Variants in NPY observed in about 807,000 individuals in gnomAD.
The protein encoded by NPY is neuropeptide Y, also known as pro-neuropeptide Y.
A neutral mutation model predicts 13.2 loss-of-function variants in NPY; 11 were observed. The ratio of observed to expected loss-of-function variants is 0.83; its 90% CI spans 0.52 to 1.38. NPY has a LOEUF of 1.38. NPY is among the 40% of genes most tolerant of loss of function. The pLI is 0.00. For synonymous variants in NPY, 51 were observed against 55.6 expected, an observed-to-expected ratio of 0.92 and a Z score of 0.37; for missense variants, 109 against 125.1, an observed-to-expected ratio of 0.87 and a Z score of 0.61.
At chr7:24,288,129 T>G (rs1787458586) in intron 2 of NPY, among the ~76,000 whole-genome samples, 1 of 152,246 alleles carries the variant, frequency 6.6e-6, no homozygotes, top group African/African-American at 2.4e-5. Flanking sequence ...GGTTCTTTAC[T>G]GGTAAATTGG....
chr7:24,291,848 A>G lies in NPY; in HGVS notation c.*161A>G. On this transcript the variant is annotated 3_prime_UTR_variant, in exon 4 of 4. Coordinates refer to ENST00000242152, the MANE Select transcript of NPY (RefSeq NM_000905.4). The stretch of plus-strand genomic sequence containing the variant: ...GTATATATGTGTGTTTAAATAAAGT[A>G]TCATGCATTCAAAAGTGTATCCTCC... 1.4e-6 allele frequency: 1 copy of G among 692,846 alleles called. No homozygotes were observed. The highest frequency in any genetic ancestry group is 2.7e-5 in the East Asian group (1 of 36,498). 42.9% of individuals were successfully genotyped at this position (692,846 alleles called of 1,614,324 possible).
intron 2 of NPY, among the ~76,000 whole-genome samples, chr7:24,287,618 T>TTTTA (rs1388975340): frequency 6.6e-6 from 1 of 152,088 alleles, no homozygotes; most frequent in Admixed American, 6.5e-5. Context: ...CTGGGGGTGA[T>TTTTA]TTTATGCTCC....
At chr7:24,288,415 G>A (rs1787470634) in intron 2 of NPY, among the ~76,000 whole-genome samples, 1 of 151,888 alleles carries the variant, frequency 6.6e-6, no homozygotes, top group African/African-American at 2.4e-5. Flanking sequence ...ATATAATTTT[G>A]CTTGGCAATT....
chr7:24,285,218 C>A lies in NPY; in HGVS notation c.1-23C>A, dbSNP rs758262699. 1.2e-6 allele frequency: 2 copies of A among 1,613,436 alleles called. No individual in the cohort carries two copies. The highest frequency in any genetic ancestry group is 2.7e-5 in the African/African-American group (2 of 75,022). On this transcript the variant is annotated intron_variant, in intron 1 of 3. Coordinates refer to ENST00000242152, the MANE Select transcript of NPY (RefSeq NM_000905.4). The surrounding 1 kb of genome is among the most constrained non-coding windows in gnomAD (Gnocchi z 4.9). ...GGTGCTCTGAATCCCCAAGCCCGTCCGTTGAGCCTTCTGTGCCTGCAGATG... is the reference window on the plus strand; with the variant it reads ...GGTGCTCTGAATCCCCAAGCCCGTCAGTTGAGCCTTCTGTGCCTGCAGATG...
chr7:24,287,466 C>A (rs571322696), intron 2 of NPY, among the ~76,000 whole-genome samples: 211 of 138,084 alleles, frequency 1.5e-3, no homozygotes, highest in Non-Finnish European at 2.6e-3. Context: ...CACCAGCATT[C>A]CCCCTGCACT....
rs75351319 is a variant in NPY at position 24,287,964 on chromosome 7, G to A, written c.189-1535G>A. 3.8e-3 allele frequency among the ~76,000 whole-genome samples: 572 copies of A among 152,300 alleles called. 4 individuals carry two copies. The highest frequency in any genetic ancestry group is 6.1e-3 in the Non-Finnish European group (414 of 68,028). On this transcript the variant is annotated intron_variant, in intron 2 of 3. Coordinates refer to ENST00000242152, the MANE Select transcript of NPY (RefSeq NM_000905.4). ...CCAGGTGATTCTAATGTGCAGCCAG[G>A]TTTGAGAATCTTTACTCTAAGGACT...
chr7:24,289,402 T>C (rs1787513011), intron 2 of NPY, 97 bp from the exon 3 acceptor site: 2 of 745,132 alleles, frequency 2.7e-6, no homozygotes, highest in South Asian at 3.9e-5. Context: ...GACAATAATG[T>C]TTAGTTTTCA....
At position 24,285,372 on chromosome 7, in the gene NPY, C is replaced by T. The variant is rs1787323334; in HGVS notation, c.132C>T (p.Asp44=). The T allele has an allele frequency of 6.2e-7, 1 of 1,613,970 alleles. No homozygotes were observed. Among genetic ancestry groups the T allele is most frequent in the Non-Finnish European group, 8.5e-7 (1 of 1,180,042 alleles). ...DNPGEDAPAE[D]MARYYSALRH... is the part of the protein sequence containing the mutation. The stretch of plus-strand genomic sequence containing the variant: ...CGGGCGAGGACGCACCAGCGGAGGA[C>T]ATGGCCAGATACTACTCGGCGCTGC... Residue 44 remains aspartate (D), a synonymous_variant, in exon 2 of 4, where the codon GAC becomes GAT. Coordinates refer to ENST00000242152, the MANE Select transcript of NPY (RefSeq NM_000905.4). This position sits in a 1 kb window ranked among gnomAD's most constrained non-coding sequence, Gnocchi z 4.9.
chr7:24,288,330 G>C (rs3025116), intron 2 of NPY, among the ~76,000 whole-genome samples: 5 of 152,198 alleles, frequency 3.3e-5, no homozygotes, highest in African/African-American at 1.2e-4. Context: ...GAGTGGGACA[G>C]GGAGTTGTTT....
chr7:24,285,545 G>GT lies in NPY; in HGVS notation c.188+118dup. 9.5e-7 allele frequency: 1 copy of GT among 1,049,616 alleles called. No homozygotes were observed. Among genetic ancestry groups the GT allele is most frequent in the Non-Finnish European group, 1.4e-6 (1 of 729,418 alleles). 65.0% of individuals were successfully genotyped at this position (1,049,616 alleles called of 1,614,324 possible). On this transcript the variant is annotated intron_variant, in intron 2 of 3. Transcript: ENST00000242152. The surrounding 1 kb of genome is among the most constrained non-coding windows in gnomAD (Gnocchi z 4.9). ...CTTCGCTCTATCCCAGGGCAGGACAGTATCAGGCACTTAGTCAGCTCTAGG... is the reference window on the plus strand; with the variant it reads ...CTTCGCTCTATCCCAGGGCAGGACAGTTATCAGGCACTTAGTCAGCTCTAGG...
chr7:24,287,612 G>A (rs1017653026), intron 2 of NPY, among the ~76,000 whole-genome samples: 4 of 152,024 alleles, frequency 2.6e-5, no homozygotes, highest in African/African-American at 9.7e-5. Flanking sequence ...TCTCAACTGG[G>A]GGTGATTTTA....
chr7:24,288,374 C>G (rs1448083743), intron 2 of NPY, among the ~76,000 whole-genome samples: 2 of 152,086 alleles, frequency 1.3e-5, no homozygotes, highest in African/African-American at 4.8e-5. Context: ...AGCAAAAGAA[C>G]AGTCATAGAA....
At chr7:24,287,927 T>C (rs879095663) in intron 2 of NPY, among the ~76,000 whole-genome samples, 2 of 152,072 alleles carry the variant, frequency 1.3e-5, no homozygotes, top group Non-Finnish European at 2.9e-5. Context: ...TAGAGTGTGT[T>C]TTTAACACTC....
chr7:24,288,510 C>T (rs1372500658), intron 2 of NPY, among the ~76,000 whole-genome samples: 1 of 151,994 alleles, frequency 6.6e-6, no homozygotes, highest in Non-Finnish European at 1.5e-5. Flanking sequence ...AACAAAGTGG[C>T]GAATGGTGTC....
At chr7:24,284,402 G>C (rs1042205208) in intron 1 of NPY, 127 bp downstream of exon 1, 2 of 152,582 alleles carry the variant, frequency 1.3e-5, no homozygotes, top group African/African-American at 4.8e-5. Context: ...CTCCCCAGCG[G>C]ACTATGCCGG....
At position 24,285,257 on chromosome 7, in the gene NPY, G is replaced by A. The variant is rs1471891832; in HGVS notation, c.17G>A (p.Arg6Gln). The A allele has an allele frequency of 2.5e-6, 4 of 1,613,954 alleles. No individual in the cohort carries two copies. The highest frequency in any genetic ancestry group is 3.4e-6 in the Non-Finnish European group (4 of 1,179,982). The change falls in exon 2 of 4, where the codon CGA becomes CAA. Residue 6 changes from arginine to glutamine, a missense_variant. Arg to Gln is a conservative substitution (Grantham distance 43). Coordinates refer to ENST00000242152, the MANE Select transcript of NPY (RefSeq NM_000905.4). The surrounding 1 kb of genome is among the most constrained non-coding windows in gnomAD (Gnocchi z 4.9). MLGNK[R>Q]LGLSGLTLAL... is the part of the protein sequence containing the mutation. ...TGCCTGCAGATGCTAGGTAACAAGC[G>A]ACTGGGGCTGTCCGGACTGACCCTC...
intron 2 of NPY, among the ~76,000 whole-genome samples, chr7:24,286,618 C>G (rs939940486): frequency 2.0e-5 from 3 of 152,158 alleles, no homozygotes; most frequent in African/African-American, 7.2e-5. Context: ...AGGTATTTAA[C>G]ATCCTAAAAC....
At chr7:24,290,329 C>T (rs1157965547) in intron 3 of NPY, among the ~76,000 whole-genome samples, 1 of 152,120 alleles carries the variant, frequency 6.6e-6, no homozygotes, top group Non-Finnish European at 1.5e-5. Context: ...ACTCTTCAGT[C>T]CTTGCTTCCT....
At chr7:24,289,782 A>T (rs975968833) in intron 3 of NPY, among the ~76,000 whole-genome samples, 1 of 152,176 alleles carries the variant, frequency 6.6e-6, no homozygotes, top group Middle Eastern at 3.2e-3. Flanking sequence ...CTGTGGAATA[A>T]CATTTTTTTA....
Sources: gnomAD v4.1 joint callset for allele counts (sites outside exome capture counted in the v4.1 genomes callset) on GRCh38, gnomAD v4.1.1 for gene constraint, Gnocchi (gnomAD v3.1) non-coding constraint, MANE v1.5 for transcripts, NCBI Gene and HGNC (gene_info 2026-07-23, HGNC 2026-07-21) for gene names.